CXADR: variants seen among roughly 807,000 people sequenced by gnomAD.
CXADR encodes CXADR cell adhesion molecule.
CXADR carries 20 observed loss-of-function variants against 40.3 expected under a neutral mutation model. The observed-to-expected ratio is 0.50, with a 90% CI of 0.35 to 0.72. The LOEUF is 0.72. CXADR is among the 30% of genes least tolerant of loss of function. The pLI is 0.01. For synonymous variants in CXADR, 150 were observed against 161.3 expected (o/e 0.93, Z 0.53); for missense variants, 332 against 449.1 (o/e 0.74, Z 2.36).
At chr21:17,540,050 C>G (rs1047343245) in intron 1 of CXADR, among the ~76,000 whole-genome samples, 2 of 152,146 alleles carry the variant, frequency 1.3e-5, no homozygotes, top group African/African-American at 4.8e-5. Context: ...GATTAAGATG[C>G]CAGCAAGTTT....
chr21:17,518,923 T>C (rs1448683369), intron 1 of CXADR: 2 of 1,596,002 alleles, frequency 1.3e-6, no homozygotes, highest in Non-Finnish European at 1.7e-6. Context: ...TACCACCTTC[T>C]TTCTGCGAGC....
At chr21:17,618,726 A>C in the CXADR span, among the ~76,000 whole-genome samples, 4 of 152,036 alleles carry the variant, frequency 2.6e-5, no homozygotes, top group East Asian at 7.8e-4. Context: ...TAGAAGAGAC[A>C]GGGTTTCACC....
At chr21:17,578,190 G>GA (rs2061335360) in intron 7 of CXADR, among the ~76,000 whole-genome samples, 1 of 152,222 alleles carries the variant, frequency 6.6e-6, no homozygotes, top group South Asian at 2.1e-4. Context: ...ATTTTTTGAG[G>GA]AATCTCCATA....
chr21:17,605,299 C>T, the CXADR span, among the ~76,000 whole-genome samples: 4 of 152,020 alleles, frequency 2.6e-5, no homozygotes, highest in Admixed American at 1.3e-4. Flanking sequence ...GAAAGTTGCA[C>T]GAAATTTTAG....
chr21:17,559,844 A>G (rs902286875), intron 4 of CXADR, among the ~76,000 whole-genome samples: 1 of 150,354 alleles, frequency 6.7e-6, no homozygotes, highest in Non-Finnish European at 1.5e-5. Context: ...ACACCCTGCT[A>G]ATTTTTGTAT....
At chr21:17,575,886 A>G (rs1011034592) in intron 7 of CXADR, among the ~76,000 whole-genome samples, 30 of 151,624 alleles carry the variant, frequency 2.0e-4, no homozygotes, top group Admixed American at 1.6e-3. Context: ...TCAGGAGTTC[A>G]AGACCAACCT....
At chr21:17,622,197 G>A in the CXADR span, among the ~76,000 whole-genome samples, 1 of 152,164 alleles carries the variant, frequency 6.6e-6, no homozygotes, top group African/African-American at 2.4e-5. Flanking sequence ...CTTAATTAGG[G>A]TGATTACGGG....
Position 17,566,565 on chromosome 21 carries a change from T to A in CXADR, c.*873T>A. 1 of 981,274 alleles carries A rather than the reference T, an allele frequency of 1.0e-6. No individual in the cohort carries two copies. The highest frequency in any genetic ancestry group is 1.2e-6 in the Non-Finnish European group (1 of 826,200). 60.8% of individuals were successfully genotyped at this position (981,274 alleles called of 1,614,324 possible). On this transcript the variant is annotated 3_prime_UTR_variant, in exon 7 of 7. Coordinates refer to ENST00000284878, the MANE Select transcript of CXADR (RefSeq NM_001338.5). ...AGTTCCCAGGTGATATTTTTCTTAT[T>A]AGAAAAATATTATAACTCATTTGTT...
chr21:17,591,821 A>C (rs2061438146), intron 7 of CXADR, among the ~76,000 whole-genome samples: 1 of 151,990 alleles, frequency 6.6e-6, no homozygotes, highest in Non-Finnish European at 1.5e-5. Flanking sequence ...TTAAGAGAAC[A>C]AAGCACCTAG....
intron 1 of CXADR, among the ~76,000 whole-genome samples, chr21:17,515,141 T>C (rs984693325): frequency 4.5e-3 from 1 of 220 alleles, no homozygotes; most frequent in African/African-American, 0.016. Flanking sequence ...AGTTTTTCAG[T>C]TTAAGAACAG....
At chr21:17,611,776 T>C in the CXADR span, 1 of 152,276 alleles carries the variant, frequency 6.6e-6, no homozygotes, top group Non-Finnish European at 1.5e-5. Flanking sequence ...TGCTCACGGC[T>C]GCGTGGATAA....
At chr21:17,593,539 A>G (rs547018640) in exon 8 of CXADR, 1 of 176,932 alleles carries the variant, frequency 5.7e-6, no homozygotes, top group South Asian at 2.0e-4. Context: ...GATTTTTCAA[A>G]GGAAATTTTA....
At chr21:17,636,140 A>G in the CXADR span, among the ~76,000 whole-genome samples, 3 of 152,164 alleles carry the variant, frequency 2.0e-5, no homozygotes, top group Non-Finnish European at 4.4e-5. Flanking sequence ...TTGACTTTGT[A>G]CCCTGCCACT....
chr21:17,542,163 A>G (rs1015518601), intron 1 of CXADR: 2 of 193,248 alleles, frequency 1.0e-5, no homozygotes, highest in African/African-American at 2.4e-5. Flanking sequence ...AAAAATTCTC[A>G]TGTTTACTTC....
At chr21:17,547,897 A>G (rs934671089) in intron 2 of CXADR, among the ~76,000 whole-genome samples, 2 of 152,218 alleles carry the variant, frequency 1.3e-5, no homozygotes, top group African/African-American at 2.4e-5. Context: ...AATCAAAGTA[A>G]TAAGAGTCTA....
chr21:17,542,068 A>G (rs73308228), intron 1 of CXADR: 4,208 of 344,720 alleles, frequency 0.012, 186 homozygotes, highest in African/African-American at 0.088. Flanking sequence ...GATTTTTAGT[A>G]TAGTTAAATT....
In CXADR at chr21:17,566,917, G is replaced by A. The variant is rs778139286; in HGVS notation, c.*1225G>A. 9.2e-6 allele frequency: 9 copies of A among 979,132 alleles called. No homozygotes were observed. The highest frequency in any genetic ancestry group is 1.1e-5 in the Non-Finnish European group (9 of 827,006). 60.7% of individuals were successfully genotyped at this position (979,132 alleles called of 1,614,324 possible). On this transcript the variant is annotated 3_prime_UTR_variant, in exon 7 of 7. Transcript: ENST00000284878. ...ATCAAGCTGAGCTTTGAAAAAGTTT[G>A]TCTTAGTTTTGTGAAGGTGATTTAT...
chr21:17,625,205 T>C, the CXADR span, among the ~76,000 whole-genome samples: 3 of 148,814 alleles, frequency 2.0e-5, no homozygotes, highest in African/African-American at 5.0e-5. Flanking sequence ...CCACGAAGTG[T>C]GAATTTTACC....
chr21:17,619,664 C>T, the CXADR span, among the ~76,000 whole-genome samples: 3 of 151,678 alleles, frequency 2.0e-5, no homozygotes, highest in Non-Finnish European at 4.4e-5. Context: ...TGACTTCTCT[C>T]CAGTTATGAA....
Sources: gnomAD v4.1 joint callset for allele counts (sites outside exome capture counted in the v4.1 genomes callset) on GRCh38, gnomAD v4.1.1 for gene constraint, MANE v1.5 for transcripts, NCBI Gene and HGNC (gene_info 2026-07-23, HGNC 2026-07-21) for gene names.